DLC1: variants seen among roughly 807,000 people sequenced by gnomAD.
DLC1 encodes the protein rho GTPase-activating protein 7.
DLC1 carries 54 observed loss-of-function variants against 140.3 expected under a neutral mutation model. That is an observed-to-expected ratio of 0.38 (90% CI 0.31 to 0.48). The LOEUF is 0.48. DLC1 is among the 20% of genes least tolerant of loss of function. The pLI is 0.96. For synonymous variants in DLC1, 986 were observed against 728.1 expected (o/e 1.35, Z -5.70); for missense variants, 2,536 against 1,907.0 (o/e 1.33, Z -6.14).
At position 13,119,983 on chromosome 8, in the gene DLC1, G is replaced by A. The variant is rs1179593732; in HGVS notation, c.1349-4326C>T. On this transcript the variant is annotated intron_variant, in intron 5 of 17. Coordinates refer to ENST00000276297, the MANE Select transcript of DLC1 (RefSeq NM_182643.3). Reference sequence around the variant, plus strand: ...TCTACATTCAAATGCCATAGTGAGAGAAGGAACAATTACTTACAAAAATGC... The same window carrying A: ...TCTACATTCAAATGCCATAGTGAGAAAAGGAACAATTACTTACAAAAATGC... 7.7e-4 allele frequency among the ~76,000 whole-genome samples: 56 copies of A among 72,874 alleles called. 1 individual carries two copies. In the Admixed American group the frequency reaches 8.0e-3, roughly 10 times the overall value. The allele number at this position is 72,874 out of a possible 152,430, so 47.8% of individuals were successfully genotyped here.
chr8:13,447,079 T>A (rs1294281887), intron 2 of DLC1, among the ~76,000 whole-genome samples: 2 of 152,180 alleles, frequency 1.3e-5, no homozygotes, highest in Non-Finnish European at 2.9e-5. Flanking sequence ...CTCTAAACTT[T>A]CCCTGTGTGT....
intron 2 of DLC1, among the ~76,000 whole-genome samples, chr8:13,423,247 T>C (rs1341385349): frequency 6.6e-6 from 1 of 152,218 alleles, no homozygotes; most frequent in Non-Finnish European, 1.5e-5. Flanking sequence ...AATAAATGCA[T>C]TTTTGTAAAA....
chr8:13,541,827 G>A (rs1256958377), intron 1 of DLC1, among the ~76,000 whole-genome samples: 1 of 152,168 alleles, frequency 6.6e-6, no homozygotes, highest in Non-Finnish European at 1.5e-5. Context: ...GGGATTACAG[G>A]CATGAACCAC....
At chr8:13,490,940 A>G (rs1318307262) in intron 2 of DLC1, among the ~76,000 whole-genome samples, 1 of 150,084 alleles carries the variant, frequency 6.7e-6, no homozygotes, top group Non-Finnish European at 1.5e-5. Flanking sequence ...GGAACAAGGA[A>G]CGTTCAGGTT....
chr8:13,203,287 A>C (rs1296139033), intron 5 of DLC1, among the ~76,000 whole-genome samples: 1 of 152,166 alleles, frequency 6.6e-6, no homozygotes, highest in Non-Finnish European at 1.5e-5. Context: ...TTTTTTAACA[A>C]ACGTTTATTT....
chr8:13,096,576 G>A (rs927301384), intron 10 of DLC1, among the ~76,000 whole-genome samples: 6 of 151,960 alleles, frequency 3.9e-5, no homozygotes, highest in South Asian at 2.1e-4. Flanking sequence ...AACACATTAC[G>A]ATCCCCACCG....
chr8:13,125,513 G>T (rs764699040), intron 5 of DLC1, among the ~76,000 whole-genome samples: 1 of 152,156 alleles, frequency 6.6e-6, no homozygotes, highest in Admixed American at 6.5e-5. Context: ...TGACTTGGGC[G>T]CTGAAATACC....
At chr8:13,420,573 CT>C (rs1003886012) in intron 2 of DLC1, among the ~76,000 whole-genome samples, 22 of 152,106 alleles carry the variant, frequency 1.4e-4, no homozygotes, top group African/African-American at 5.1e-4. Context: ...CCCTCAACCC[CT>C]GACAGGCCCG....
chr8:13,567,889 C>T, intron 1 of DLC1: 1 of 1,551,946 alleles, frequency 6.4e-7, no homozygotes, highest in South Asian at 1.2e-5. Context: ...ATTTTCTCTG[C>T]CATTTCTCAA....
Position 13,436,829 on chromosome 8 carries a change from G to C in DLC1, c.1024-35210C>G, listed in dbSNP as rs138176685. Among the ~76,000 whole-genome samples the C allele has an allele frequency of 1.7e-4, 26 of 152,094 alleles. No homozygotes were observed. In the East Asian group the frequency reaches 5.0e-3, roughly 29 times the overall value. On this transcript the variant is annotated intron_variant, in intron 2 of 17. Coordinates refer to ENST00000276297, the MANE Select transcript of DLC1 (RefSeq NM_182643.3). Reference sequence around the variant, plus strand: ...ACATAAAGTTAAAATGCAAATATTTGACTACTGGGTGCTCACACATTTCAG... The same window carrying C: ...ACATAAAGTTAAAATGCAAATATTTCACTACTGGGTGCTCACACATTTCAG...
intron 4 of DLC1, among the ~76,000 whole-genome samples, chr8:13,352,022 C>T (rs531033015): frequency 9.2e-5 from 14 of 152,362 alleles, no homozygotes; most frequent in African/African-American, 2.2e-4. Flanking sequence ...GCATGAGCCA[C>T]GGTGCCCAGC....
chr8:13,256,958 G>C (rs899695225), intron 5 of DLC1, among the ~76,000 whole-genome samples: 1 of 150,902 alleles, frequency 6.6e-6, no homozygotes, highest in Non-Finnish European at 1.5e-5. Context: ...GTAACTACCA[G>C]TACATACTAT....
chr8:13,378,051 CT>C (rs1249869138), intron 4 of DLC1, among the ~76,000 whole-genome samples: 1 of 148,730 alleles, frequency 6.7e-6, no homozygotes, highest in Non-Finnish European at 1.5e-5. Flanking sequence ...TAGCACTGAT[CT>C]TTTTTTGGAC....
At chr8:13,290,128 T>C (rs528081159) in intron 5 of DLC1, among the ~76,000 whole-genome samples, 79 of 152,348 alleles carry the variant, frequency 5.2e-4, no homozygotes, top group African/African-American at 1.9e-3. Context: ...TATAATAAAA[T>C]GTGACTTTTT....
intron 2 of DLC1, among the ~76,000 whole-genome samples, chr8:13,459,773 T>C (rs867764857): frequency 6.6e-5 from 10 of 152,344 alleles, no homozygotes; most frequent in African/African-American, 2.2e-4. Flanking sequence ...GGAAATGTTA[T>C]GGAAAAACTG....
At chr8:13,376,284 G>T (rs1835981431) in intron 4 of DLC1, among the ~76,000 whole-genome samples, 1 of 152,238 alleles carries the variant, frequency 6.6e-6, no homozygotes, top group South Asian at 2.1e-4. Context: ...TTGAATAATG[G>T]GAAAAACAGC....
chr8:13,343,227 G>A (rs991749738), intron 4 of DLC1, among the ~76,000 whole-genome samples: 7 of 152,094 alleles, frequency 4.6e-5, no homozygotes, highest in Non-Finnish European at 1.0e-4. Flanking sequence ...ATGAATACCC[G>A]GCTTCCTCCA....
chr8:13,098,669 G>A, intron 9 of DLC1, 94 bp from the exon 10 acceptor site: 1 of 1,343,988 alleles, frequency 7.4e-7, no homozygotes, highest in South Asian at 1.5e-5. Context: ...AGGCTGGAGT[G>A]CAGTGGTGCC....
Position 13,499,236 on chromosome 8 carries a change from A to G in DLC1, c.836T>C (p.Leu279Pro). ...LLKTDFGSCL[L>P]QPPSCPNGMS... is the part of the protein sequence containing the mutation. ...TCCATTGGGGCAGGAAGGAGGCTGC[A>G]GAAGGCAGCTTCCAAAATCTGTTTT... The change falls in exon 2 of 18, where the codon CTG becomes CCG. Residue 279 changes from leucine (L) to proline (P), a missense_variant. Leu to Pro is a moderately conservative substitution (Grantham distance 98). Transcript: ENST00000276297. The G allele has an allele frequency of 1.2e-6, 2 of 1,614,216 alleles. No homozygotes were observed. The highest frequency in any genetic ancestry group is 1.7e-6 in the Non-Finnish European group (2 of 1,180,026).
Sources: allele counts gnomAD v4.1 joint callset (sites outside exome capture counted in the v4.1 genomes callset), GRCh38; gene constraint gnomAD v4.1.1; transcripts MANE v1.5; gene names NCBI Gene and HGNC (gene_info 2026-07-23, HGNC 2026-07-21).